The following CACNA1A variants were observed in gnomAD, a reference collection of about 807,000 sequenced individuals.
CACNA1A encodes voltage-dependent P/Q-type calcium channel subunit alpha-1A.
CACNA1A carries 57 observed loss-of-function variants against 262.4 expected under a neutral mutation model. That is an observed-to-expected ratio of 0.22 (90% confidence interval 0.18 to 0.27). CACNA1A has a LOEUF of 0.27. CACNA1A is among the 10% of genes least tolerant of loss of function. The pLI is 1.00. For missense variants in CACNA1A, 2,526 were observed against 3,562.8 expected (o/e 0.71, Z 7.41); for synonymous variants, 1,431 against 1,419.3 (o/e 1.01, Z -0.18).
intron 40 of CACNA1A, chr19:13,213,945 T>C: frequency 2.8e-6 from 1 of 357,156 alleles, no homozygotes; most frequent in Non-Finnish European, 5.2e-6. Context: ...CTTGGCCTCC[T>C]AAATAGCTGG....
At chr19:13,420,406 C>T (rs2060299266) in intron 3 of CACNA1A, among the ~76,000 whole-genome samples, 2 of 151,968 alleles carry the variant, frequency 1.3e-5, no homozygotes, top group African/African-American at 4.8e-5. Flanking sequence ...GCAGATGTAA[C>T]TAATTAAGGA....
rs1489702072 is a variant in CACNA1A at position 13,298,674 on chromosome 19, G to T, written c.2959C>A (p.Arg987=). The stretch of plus-strand genomic sequence containing the variant: ...CCCTCGCCCTCGCCCTCGCCGCCCC[G>T]GGCCGGCCGGCTGCCCTCGCGGTGC... The part of the protein sequence containing the change: ...ARHREGSRPA[R]GGEGEGEGPD... Residue 987 remains arginine, a synonymous_variant, in exon 19 of 47, where the codon CGG becomes AGG. Transcript: ENST00000360228. 2 of 1,477,130 alleles carry T rather than the reference G, an allele frequency of 1.4e-6. No homozygotes were observed. Among genetic ancestry groups the T allele is most frequent in the Admixed American group, 2.6e-5 (1 of 38,248 alleles). 91.5% of individuals were successfully genotyped at this position (1,477,130 alleles called of 1,614,324 possible).
At chr19:13,427,177 C>A (rs984457950) in intron 3 of CACNA1A, among the ~76,000 whole-genome samples, 1 of 152,022 alleles carries the variant, frequency 6.6e-6, no homozygotes, top group African/African-American at 2.4e-5. Context: ...CCAGGGCATG[C>A]GTGGTGGCTC....
chr19:13,487,500 G>A (rs1439616121), intron 1 of CACNA1A, among the ~76,000 whole-genome samples: 1 of 152,114 alleles, frequency 6.6e-6, no homozygotes, highest in Admixed American at 6.5e-5. Flanking sequence ...GGAGCGGGGA[G>A]AGACAGGGAG....
chr19:13,468,658 G>A (rs751701143), intron 1 of CACNA1A, among the ~76,000 whole-genome samples: 8 of 152,152 alleles, frequency 5.3e-5, no homozygotes, highest in African/African-American at 1.2e-4. Flanking sequence ...ATGGTGGTGC[G>A]TGCTTGTAAT....
chr19:13,245,514 T>A, intron 30 of CACNA1A: 1 of 537,890 alleles, frequency 1.9e-6, no homozygotes, highest in Non-Finnish European at 3.4e-6. Context: ...CTGCTTCAGC[T>A]CCACAGGGCT....
chr19:13,432,191 G>T (rs1330908872), intron 3 of CACNA1A, among the ~76,000 whole-genome samples: 2 of 150,882 alleles, frequency 1.3e-5, no homozygotes, highest in African/African-American at 4.9e-5. Context: ...GAGGTGGGTG[G>T]ATCACTGGAG....
chr19:13,224,638 G>A, intron 38 of CACNA1A, 29 bp downstream of exon 38: 2 of 1,510,460 alleles, frequency 1.3e-6, no homozygotes, highest in Non-Finnish European at 1.8e-6. Flanking sequence ...TGTCACGCCT[G>A]TCTGTGCCCG....
At chr19:13,334,549 TTG>T in intron 7 of CACNA1A, 56 bp from the exon 8 acceptor site, 4 of 724,074 alleles carry the variant, frequency 5.5e-6, no homozygotes, top group Non-Finnish European at 4.6e-6. Flanking sequence ...TAGGAAACGT[TTG>T]TGTGTGTGTT....
intron 1 of CACNA1A, among the ~76,000 whole-genome samples, chr19:13,487,206 A>G (rs1980118010): frequency 6.6e-6 from 1 of 152,204 alleles, no homozygotes; most frequent in Non-Finnish European, 1.5e-5. Context: ...AACCCAGCTG[A>G]GATGAAACCT....
intron 24 of CACNA1A, chr19:13,263,230 C>T (rs4926147): frequency 0.95 from 177,918 of 187,624 alleles, 84,413 homozygotes; most frequent in East Asian, 0.98. Context: ...TGCAGTGGCA[C>T]GATCTCGGCT....
chr19:13,413,489 T>C (rs1392259695), intron 3 of CACNA1A, among the ~76,000 whole-genome samples: 1 of 149,032 alleles, frequency 6.7e-6, no homozygotes, highest in Admixed American at 6.8e-5. Context: ...AGAGGATCCC[T>C]TGAGCCCAGG....
intron 3 of CACNA1A, among the ~76,000 whole-genome samples, chr19:13,420,014 A>G (rs923476972): frequency 6.6e-6 from 1 of 151,678 alleles, no homozygotes; most frequent in Non-Finnish European, 1.5e-5. Context: ...TGTATCTGGA[A>G]GGTAGAGGTT....
In CACNA1A at chr19:13,429,151, C is replaced by G. The variant is rs756766229; in HGVS notation, c.539+23725G>C. On this transcript the variant is annotated intron_variant, in intron 3 of 46. Coordinates refer to ENST00000360228, the MANE Select transcript of CACNA1A (RefSeq NM_001127222.2). ...TTATCTGTCATTTCTCCCCCTCCAG[C>G]CTCTATCACTGTGCGTACACACACA... 2.7e-5 allele frequency among the ~76,000 whole-genome samples: 4 copies of G among 146,178 alleles called. 1 individual carries two copies. The highest frequency in any genetic ancestry group is 6.8e-3 in the Middle Eastern group (2 of 294).
At chr19:13,210,959 C>T (rs1444498269) in intron 43 of CACNA1A, 5 of 473,002 alleles carry the variant, frequency 1.1e-5, no homozygotes, top group Admixed American at 3.4e-5. Context: ...GGCGCAGCCT[C>T]GAGCCCCTGG....
chr19:13,310,128 G>A (rs891851158), intron 12 of CACNA1A, among the ~76,000 whole-genome samples: 14 of 151,894 alleles, frequency 9.2e-5, no homozygotes, highest in African/African-American at 3.1e-4. Flanking sequence ...CAAGGTCCTC[G>A]CCTTTTTAAC....
chr19:13,439,825 C>G (rs11085850), intron 3 of CACNA1A, among the ~76,000 whole-genome samples: 151,028 of 152,324 alleles, frequency 0.99, 74,878 homozygotes, highest in East Asian at 1. Context: ...TTTGGGAAAT[C>G]AGCAGGAACA....
rs1044580523 is a variant in CACNA1A, at chr19:13,417,486, A to C, written c.539+35390T>G. 4.6e-5 allele frequency among the ~76,000 whole-genome samples: 7 copies of C among 152,308 alleles called. No homozygotes were observed. The East Asian group carries it at 1.2e-3, about 25-fold the overall frequency. On this transcript the variant is annotated intron_variant, in intron 3 of 46. Transcript: ENST00000360228. Reference sequence around the variant, plus strand: ...GTAGGTAGTGAGGCAGCCTCCATCAAACCAGTCGTGGATTCTCTGTTTCTG... The same window carrying C: ...GTAGGTAGTGAGGCAGCCTCCATCACACCAGTCGTGGATTCTCTGTTTCTG...
At chr19:13,483,670 C>T (rs749186624) in intron 1 of CACNA1A, among the ~76,000 whole-genome samples, 5 of 152,092 alleles carry the variant, frequency 3.3e-5, no homozygotes, top group Non-Finnish European at 7.4e-5. Context: ...GATAATGGAG[C>T]CAGCTGCAAA....
Sources: allele counts gnomAD v4.1 joint callset (sites outside exome capture counted in the v4.1 genomes callset), GRCh38; gene constraint gnomAD v4.1.1; transcripts MANE v1.5; gene names NCBI Gene and HGNC (gene_info 2026-07-23, HGNC 2026-07-21).